ZNF568: variants seen among roughly 807,000 people sequenced by gnomAD.
ZNF568 encodes the protein zinc finger protein 568.
A neutral mutation model predicts 18.1 loss-of-function variants in ZNF568; 11 were observed. The ratio of observed to expected loss-of-function variants is 0.61; its 90% confidence interval spans 0.38 to 1.00. The LOEUF (loss-of-function observed/expected upper bound fraction) is 1.00, where lower values mean the gene tolerates loss of function less well. Ranked by LOEUF, ZNF568 falls within the 50% of genes least tolerant of loss-of-function variation. The pLI, the probability that ZNF568 is intolerant of heterozygous loss-of-function variation, is 0.01. For synonymous variants in ZNF568, 213 were observed against 246.6 expected (o/e 0.86, Z 1.28); for missense variants, 639 against 768.2 (o/e 0.83, Z 1.99).
Position 36,949,699 on chromosome 19 carries a change from T to C in ZNF568, c.546T>C (p.Asp182=). 1 of 1,613,844 alleles carries C rather than the reference T, an allele frequency of 6.2e-7. No individual in the cohort carries two copies. The highest frequency in any genetic ancestry group is 8.5e-7 in the Non-Finnish European group (1 of 1,179,836). The part of the protein sequence containing the change: ...RQSFYDCDSL[D]KGLEHNLDLL... The stretch of plus-strand genomic sequence containing the variant: ...GCTTCTATGACTGTGACTCACTTGA[T>C]AAGGGTTTGGAACATAATTTAGACT... Residue 182 remains aspartate, a synonymous_variant, in exon 7 of 7, where the codon GAT becomes GAC. Transcript: ENST00000333987.
At chr19:36,973,424 G>T (rs549754581) in intron 6 of ZNF568, 1 of 153,438 alleles carries the variant, frequency 6.5e-6, no homozygotes, top group African/African-American at 2.4e-5. Flanking sequence ...AGGGCTGTGC[G>T]ATGGGGAAGG....
intron 6 of ZNF568, among the ~76,000 whole-genome samples, chr19:36,948,658 A>ATTTTTTTTTTTTTTTTTTTTGT (rs2074005587): frequency 1.2e-5 from 1 of 83,576 alleles, no homozygotes; most frequent in Non-Finnish European, 2.2e-5. Flanking sequence ...TTTGTTGTTG[A>ATTTTTTTTTTTTTTTTTTTTGT]TTTTTTTTTT....
intron 6 of ZNF568, among the ~76,000 whole-genome samples, chr19:36,972,917 C>T (rs1166232713): frequency 6.6e-6 from 1 of 152,240 alleles, no homozygotes; most frequent in Non-Finnish European, 1.5e-5. Flanking sequence ...CCCGGGTTTG[C>T]GGCTACATTT....
chr19:36,930,724 C>T (rs1392848585), intron 4 of ZNF568, among the ~76,000 whole-genome samples: 1 of 152,140 alleles, frequency 6.6e-6, no homozygotes, highest in Admixed American at 6.5e-5. Flanking sequence ...GTCACATTTA[C>T]TGTGTTATTT....
At chr19:36,983,938 G>A (rs772477952), downstream of ZNF568, among the ~76,000 whole-genome samples, 45 of 121,838 alleles carry the variant, frequency 3.7e-4, no homozygotes, top group Non-Finnish European at 5.4e-4. Flanking sequence ...TCGCTCTGTC[G>A]CCCAGGCTGG....
rs933385690 is a variant in ZNF568 at position 36,952,278 on chromosome 19, T to TA, written c.*1199dup. 11 of 154,254 alleles carry TA rather than the reference T, an allele frequency of 7.1e-5. No homozygotes were observed. Among genetic ancestry groups the TA allele is most frequent in the South Asian group, 2.1e-4 (1 of 4,842 alleles). 9.6% of individuals were successfully genotyped at this position (154,254 alleles called of 1,614,324 possible). On this transcript the variant is annotated 3_prime_UTR_variant, in exon 7 of 7. Transcript: ENST00000333987. The stretch of plus-strand genomic sequence containing the variant: ...GGAAACATAGCAAGACCCCATCTCT[T>TA]AAAAAAAAAGAAATATATAGACATA...
chr19:36,961,874 T>C (rs1291154219), intron 6 of ZNF568, among the ~76,000 whole-genome samples: 1 of 107,846 alleles, frequency 9.3e-6, no homozygotes, highest in Non-Finnish European at 1.8e-5. Context: ...GTTAATTGGT[T>C]AGGGTGTTTT....
chr19:36,921,453 CTCCA>C (rs1395680010), intron 2 of ZNF568, among the ~76,000 whole-genome samples: 1 of 149,466 alleles, frequency 6.7e-6, no homozygotes, highest in Non-Finnish European at 1.5e-5. Flanking sequence ...AAGAGCGAAA[CTCCA>C]TCCAAAAAAA....
intron 5 of ZNF568, 67 bp from the exon 6 acceptor site, chr19:36,937,080 T>A (rs747528773): frequency 7.2e-6 from 11 of 1,528,758 alleles, no homozygotes; most frequent in African/African-American, 1.4e-5. Flanking sequence ...AAGCTTGGAC[T>A]TAGCCTAAGA....
chr19:36,963,464 C>T (rs1037658083), intron 6 of ZNF568, among the ~76,000 whole-genome samples: 4 of 152,298 alleles, frequency 2.6e-5, no homozygotes, highest in Admixed American at 6.5e-5. Flanking sequence ...TAATTAATGA[C>T]CATGTCCTAA....
intron 4 of ZNF568, among the ~76,000 whole-genome samples, chr19:36,996,069 T>A (rs1667360): frequency 0.54 from 81,298 of 151,928 alleles, 22,268 homozygotes; most frequent in African/African-American, 0.62. Flanking sequence ...GGTCTTTAAA[T>A]GTATCAGAGA....
In ZNF568 at chr19:36,967,446, C is replaced by T. The variant is rs141051586; in HGVS notation, c.359-6974C>T. 6.2e-3 allele frequency among the ~76,000 whole-genome samples: 946 copies of T among 152,130 alleles called. 28 individuals carry two copies. The highest frequency in any genetic ancestry group is 0.05 in the East Asian group (257 of 5,166). ...GGCATGGTGGCAGGTGCCTGTAATCCCAGCTACTTGGGAGGCTGAGGCACG... is the reference window on the plus strand; with the variant it reads ...GGCATGGTGGCAGGTGCCTGTAATCTCAGCTACTTGGGAGGCTGAGGCACG... On this transcript the variant is annotated intron_variant, in intron 6 of 7. Coordinates refer to the ZNF568 transcript ENST00000427117.
chr19:36,923,581 T>C (rs1055029484), intron 3 of ZNF568, among the ~76,000 whole-genome samples: 1 of 150,894 alleles, frequency 6.6e-6, no homozygotes, highest in Admixed American at 6.7e-5. Flanking sequence ...ACCCCACCTT[T>C]ATCTGCATCT....
intron 2 of ZNF568, among the ~76,000 whole-genome samples, chr19:36,918,108 G>A (rs919689022): frequency 6.6e-6 from 1 of 151,994 alleles, no homozygotes; most frequent in African/African-American, 2.4e-5. Context: ...CACCACGCCC[G>A]GCTGATTTTT....
chr19:36,948,023 G>T (rs2073994438), intron 6 of ZNF568, among the ~76,000 whole-genome samples: 1 of 152,072 alleles, frequency 6.6e-6, no homozygotes, highest in African/African-American at 2.4e-5. Context: ...TTACATTAGG[G>T]TCACTCCTGG....
At chr19:36,928,997 G>A (rs913527719) in intron 4 of ZNF568, among the ~76,000 whole-genome samples, 2 of 151,944 alleles carry the variant, frequency 1.3e-5, no homozygotes, top group South Asian at 2.1e-4. Context: ...TATTTGAGCC[G>A]AGTCTAGAAT....
downstream of ZNF568, among the ~76,000 whole-genome samples, chr19:36,981,160 A>G (rs1294128781): frequency 2.0e-5 from 3 of 152,164 alleles, no homozygotes; most frequent in African/African-American, 4.8e-5. Context: ...ATGTTTGTCT[A>G]TTCTGGGCTC....
chr19:36,956,787 G>C (rs2074110814), downstream of ZNF568, among the ~76,000 whole-genome samples: 1 of 151,798 alleles, frequency 6.6e-6, no homozygotes, highest in African/African-American at 2.4e-5. Flanking sequence ...TGGTAGAGAT[G>C]GGGTTTCACT....
At chr19:36,985,633 G>A (rs903274984) in intron 2 of ZNF568, among the ~76,000 whole-genome samples, 1 of 152,072 alleles carries the variant, frequency 6.6e-6, no homozygotes. Context: ...AGCGATTCTT[G>A]TTTCTCATTC....
Sources: allele counts gnomAD v4.1 joint callset (sites outside exome capture counted in the v4.1 genomes callset), GRCh38; gene constraint gnomAD v4.1.1; transcripts MANE v1.5; gene names NCBI Gene and HGNC (gene_info 2026-07-23, HGNC 2026-07-21).